The following TLE3 variants were observed in gnomAD, a reference collection of about 807,000 sequenced individuals.
TLE3 encodes transducin-like enhancer protein 3.
TLE3 carries 14 observed loss-of-function variants against 93.0 expected under a neutral mutation model. The ratio of observed to expected loss-of-function variants is 0.15; its 90% CI spans 0.10 to 0.24. The LOEUF (loss-of-function observed/expected upper bound fraction) is 0.24. Among genes scored for constraint, TLE3 ranks in the 10% least tolerant of loss-of-function variants. The probability of loss-of-function intolerance (pLI) is 1.00; values close to 1 mark genes in which losing one functional copy is unlikely to be tolerated. For synonymous variants in TLE3, 451 were observed against 425.0 expected, an observed-to-expected ratio of 1.06 and a Z score of -0.75; for missense variants, 693 against 1,046.6, an observed-to-expected ratio of 0.66 and a Z score of 4.66.
chr15:70,053,932 ACCCGTCTG>A (rs2055786025), intron 16 of TLE3: 3 of 158,498 alleles, frequency 1.9e-5, no homozygotes, highest in Admixed American at 1.9e-4. Flanking sequence ...TGGGCCAGGC[ACCCGTCTG>A]CCTTTGCGCT....
chr15:70,081,155 G>A (rs1030044380), intron 4 of TLE3, among the ~76,000 whole-genome samples: 17 of 152,168 alleles, frequency 1.1e-4, no homozygotes, highest in African/African-American at 4.1e-4. Context: ...GTGGCTTTGG[G>A]CAAATCACTT....
intron 4 of TLE3, among the ~76,000 whole-genome samples, chr15:70,080,505 T>G (rs2057717915): frequency 6.6e-6 from 1 of 152,150 alleles, no homozygotes; most frequent in South Asian, 2.1e-4. Flanking sequence ...ATCCGGAATC[T>G]GCACTACCAA....
chr15:70,075,528 G>C (rs536657894), intron 5 of TLE3, among the ~76,000 whole-genome samples: 3 of 152,360 alleles, frequency 2.0e-5, no homozygotes, highest in African/African-American at 7.2e-5. Context: ...AGTGGGAGTA[G>C]AGGGCAGGGC....
intron 4 of TLE3, among the ~76,000 whole-genome samples, chr15:70,078,504 C>T (rs12437797): frequency 0.055 from 8,374 of 152,328 alleles, 338 homozygotes; most frequent in East Asian, 0.18. Context: ...GTAGCTGCTC[C>T]GTAAATGTTT....
chr15:70,053,923 G>A (rs146993394), intron 16 of TLE3: 82 of 159,006 alleles, frequency 5.2e-4, no homozygotes, highest in Non-Finnish European at 8.7e-4. Context: ...AGAGTCAGCT[G>A]GGCCAGGCAC....
chr15:70,076,082 A>G lies in TLE3; in HGVS notation c.297+14T>C. 6.2e-7 allele frequency: 1 copy of G among 1,613,206 alleles called. No individual in the cohort carries two copies. The highest frequency in any genetic ancestry group is 8.5e-7 in the Non-Finnish European group (1 of 1,179,246). On this transcript the variant is annotated intron_variant, in intron 5 of 19. Coordinates refer to ENST00000451782, the MANE Select transcript of TLE3 (RefSeq NM_001105192.3). ...TTGGAAAGAAAAGGAAGAAATAATA[A>G]AAGAAGGTCTTACCTCTTGTGACAG...
In TLE3 at chr15:70,058,443, T is replaced by C; in HGVS notation, c.919-152A>G. 3 of 1,389,392 alleles carry C rather than the reference T, an allele frequency of 2.2e-6. No homozygotes were observed. Among genetic ancestry groups the C allele is most frequent in the Non-Finnish European group, 2.9e-6 (3 of 1,025,174 alleles). The allele number at this position is 1,389,392 out of a possible 1,614,324, so 86.1% of individuals were successfully genotyped here. ...CCTCTCAATCCTTGCCCAACCTTGT[T>C]TGGCAGGGACTGGGGTGATCACTCC... is the stretch of plus-strand genomic sequence containing the variant. On this transcript the variant is annotated intron_variant, in intron 11 of 19. Coordinates refer to ENST00000451782, the MANE Select transcript of TLE3 (RefSeq NM_001105192.3). The surrounding 1 kb of genome is among the most constrained non-coding windows in gnomAD (Gnocchi z 4.1).
In TLE3 at chr15:70,065,941, A is replaced by C. The variant is rs2056785488; in HGVS notation, c.577+73T>G. On this transcript the variant is annotated intron_variant, in intron 7 of 19. Coordinates refer to ENST00000451782, the MANE Select transcript of TLE3 (RefSeq NM_001105192.3). ...TAGGACGACAGCACTTGCTGGGTCC[A>C]CTCACTGTGAGGCCTATGAGCGCCC... 2.7e-6 allele frequency: 4 copies of C among 1,456,754 alleles called. No individual in the cohort carries two copies. The African/African-American group carries it at 5.5e-5, about 20-fold the overall frequency. 90.2% of individuals were successfully genotyped at this position (1,456,754 alleles called of 1,614,324 possible).
chr15:70,089,544 G>A (rs549781772), intron 4 of TLE3, among the ~76,000 whole-genome samples: 2 of 152,144 alleles, frequency 1.3e-5, no homozygotes, highest in South Asian at 2.1e-4. Context: ...TCAGGGAATC[G>A]GAACTCTACT....
chr15:70,075,098 T>G (rs2057374471), intron 5 of TLE3, among the ~76,000 whole-genome samples: 1 of 152,240 alleles, frequency 6.6e-6, no homozygotes, highest in Admixed American at 6.5e-5. Context: ...TACATATACC[T>G]TATCCATACC....
At chr15:70,065,051 G>A (rs182776090) in intron 7 of TLE3, among the ~76,000 whole-genome samples, 1 of 152,278 alleles carries the variant, frequency 6.6e-6, no homozygotes, top group Non-Finnish European at 1.5e-5. Flanking sequence ...CAGTTCTCCT[G>A]TCTGCTATGG....
intron 7 of TLE3, among the ~76,000 whole-genome samples, chr15:70,064,873 A>C (rs1475988229): frequency 2.0e-5 from 3 of 150,652 alleles, no homozygotes; most frequent in African/African-American, 7.3e-5. Flanking sequence ...ATAAAATACC[A>C]GTAGGACCTG....
At chr15:70,094,346 A>G (rs1049788970) in intron 4 of TLE3, among the ~76,000 whole-genome samples, 186 bp downstream of exon 4, 7 of 151,902 alleles carry the variant, frequency 4.6e-5, no homozygotes, top group African/African-American at 1.7e-4. Flanking sequence ...AAAGCTCAAC[A>G]TGTCTAAAAA....
At position 70,096,851 on chromosome 15, in the gene TLE3, G is replaced by C. The variant is rs1465638287; in HGVS notation, c.-53C>G. On this transcript the variant is annotated 5_prime_UTR_variant, in exon 1 of 20. Transcript: ENST00000451782. ...CGTGGAAGCGCCGAGAGCCCGGGCC[G>C]GGGAGGTGCGGGGGAGGGGGGAGCC... 3.8e-6 allele frequency: 6 copies of C among 1,597,796 alleles called. No homozygotes were observed. In the African/African-American group the frequency reaches 5.4e-5, roughly 14 times the overall value.
At chr15:70,065,936 G>T in intron 7 of TLE3, 78 bp downstream of exon 7, 2 of 1,429,690 alleles carry the variant, frequency 1.4e-6, no homozygotes, top group Non-Finnish European at 1.9e-6. Flanking sequence ...GCACTTGCTG[G>T]GTCCACTCAC....
chr15:70,097,664 G>C lies in TLE3; in HGVS notation c.-866C>G. 1 of 397,946 alleles carries C rather than the reference G, an allele frequency of 2.5e-6. No individual in the cohort carries two copies. Among genetic ancestry groups the C allele is most frequent in the Non-Finnish European group, 4.4e-6 (1 of 225,512 alleles). The allele number at this position is 397,946 out of a possible 1,614,324, so 24.7% of individuals were successfully genotyped here. A position where few individuals can be genotyped will look rare whatever the true frequency, so the allele number is the denominator to read the frequency against. ...CTGCCGCGTCGGAGCGCACAGGCAG[G>C]AGAGCGCTGGAGGGGAGACGCAGCC... On this transcript the variant is annotated 5_prime_UTR_variant, in exon 1 of 20. Coordinates refer to ENST00000451782, the MANE Select transcript of TLE3 (RefSeq NM_001105192.3).
rs371493103 is a variant in TLE3 at position 70,096,756 on chromosome 15, C to T, written c.24+19G>A. On this transcript the variant is annotated intron_variant, in intron 1 of 19. Transcript: ENST00000451782. ...CTGCCATGATAGATGCTTAAATAAACCGAGTTGCAATTACTCACCGGATGT... is the reference window on the plus strand; with the variant it reads ...CTGCCATGATAGATGCTTAAATAAATCGAGTTGCAATTACTCACCGGATGT... 6.2e-7 allele frequency: 1 copy of T among 1,612,998 alleles called. No individual in the cohort carries two copies. Among genetic ancestry groups the T allele is most frequent in the African/African-American group, 1.3e-5 (1 of 74,930 alleles).
intron 17 of TLE3, 116 bp downstream of exon 17, chr15:70,053,111 A>G: frequency 7.3e-7 from 1 of 1,373,296 alleles, no homozygotes; most frequent in South Asian, 1.5e-5. Flanking sequence ...GTTGGTCCCA[A>G]GTCTCTTGGC....
At position 70,074,596 on chromosome 15, in the gene TLE3, C is replaced by T; in HGVS notation, c.309G>A (p.Gln103=). 6.2e-7 allele frequency: 1 copy of T among 1,611,014 alleles called. No individual in the cohort carries two copies. Among genetic ancestry groups the T allele is most frequent in the African/African-American group, 1.3e-5 (1 of 75,026 alleles). Residue 103 remains glutamine (Q), a synonymous_variant, in exon 6 of 20, where the codon CAG becomes CAA. Coordinates refer to ENST00000451782, the MANE Select transcript of TLE3 (RefSeq NM_001105192.3). ...TGGCGCGCTCCACTGCCTGCGCCACCTGCTGCTGGTGCTGGAGGGAAGAGG... is the reference window on the plus strand; with the variant it reads ...TGGCGCGCTCCACTGCCTGCGCCACTTGCTGCTGGTGCTGGAGGGAAGAGG... The part of the protein sequence containing the change: ...MPFLSQEHQQ[Q]VAQAVERAKQ...
Sources: allele counts gnomAD v4.1 joint callset (sites outside exome capture counted in the v4.1 genomes callset), GRCh38; gene constraint gnomAD v4.1.1; non-coding constraint Gnocchi (gnomAD v3.1); transcripts MANE v1.5; gene names NCBI Gene and HGNC (gene_info 2026-07-23, HGNC 2026-07-21).